MGAM: variants seen among roughly 807,000 people sequenced by gnomAD.
MGAM encodes maltase-glucoamylase.
In MGAM, 253 loss-of-function variants were observed where a neutral mutation model predicts 358.8. That is an observed-to-expected ratio of 0.71 (90% CI 0.64 to 0.78). The LOEUF is 0.78. Among genes scored for constraint, MGAM ranks in the 30% least tolerant of loss-of-function variants. The probability of loss-of-function intolerance (pLI) is 0.00; values close to 1 mark genes in which losing one functional copy is unlikely to be tolerated. For synonymous variants in MGAM, 1,105 were observed against 1,227.1 expected (o/e 0.90, Z 2.08); for missense variants, 3,080 against 3,432.6 (o/e 0.90, Z 2.57).
rs185053832 is a variant in MGAM, at chr7:142,063,511, C to A, written c.4270C>A (p.Pro1424Thr). 9.5e-3 allele frequency: 15,310 copies of A among 1,613,522 alleles called. 121 individuals carry two copies. The highest frequency in any genetic ancestry group is 0.011 in the Non-Finnish European group (12,787 of 1,179,684). ...TTGGCATTTCTAGGATATGAATGAA[C>A]CATCAAGCTTCGTGAATGGGGCAGT... is the stretch of plus-strand genomic sequence containing the variant. The part of the protein sequence containing the change: ...FDGMWIDMNE[P>T]SSFVNGAVSP... The change falls in exon 36 of 71, where the codon CCA becomes ACA. Residue 1424 changes from proline to threonine, a missense_variant. This residue lies in a region of MGAM where 1,816 missense variants were observed against 1,840.5 expected (regional missense o/e 0.99). Coordinates refer to ENST00000475668, the MANE Select transcript of MGAM (RefSeq NM_001365693.1).
Position 142,034,892 on chromosome 7 carries a change from C to A in MGAM, c.1959+51C>A. 2.6e-6 allele frequency: 4 copies of A among 1,557,648 alleles called. No homozygotes were observed. In the South Asian group the frequency reaches 3.5e-5, roughly 14 times the overall value. On this transcript the variant is annotated intron_variant, in intron 16 of 70. Coordinates refer to ENST00000475668, the MANE Select transcript of MGAM (RefSeq NM_001365693.1). ...ATGAACCTGAATTCCCAGGCAACCTCATTCTAGAAAGTTTTCAAACCACAA... is the reference window on the plus strand; with the variant it reads ...ATGAACCTGAATTCCCAGGCAACCTAATTCTAGAAAGTTTTCAAACCACAA...
In MGAM at chr7:142,080,782, C is replaced by G. The variant is rs1814186452; in HGVS notation, c.5848-9C>G. On this transcript the variant is annotated splice_polypyrimidine_tract_variant and intron_variant, in intron 49 of 70. Transcript: ENST00000475668. ...TATTCTTGCCTAAAATCGTTTTCCT[C>G]TGGCCTAGATTTATGATCCCAACAA... 6.5e-7 allele frequency: 1 copy of G among 1,547,076 alleles called. No homozygotes were observed. The highest frequency in any genetic ancestry group is 1.7e-4 in the Middle Eastern group (1 of 5,920).
chr7:142,050,600 TG>T lies in MGAM; in HGVS notation c.2638-91del, dbSNP rs1479632680. 5 of 1,254,380 alleles carry T rather than the reference TG, an allele frequency of 4.0e-6. No homozygotes were observed. The East Asian group carries it at 9.8e-5, about 25-fold the overall frequency. 77.7% of individuals were successfully genotyped at this position (1,254,380 alleles called of 1,614,324 possible). A position where few individuals can be genotyped will look rare whatever the true frequency, so the allele number is the denominator to read the frequency against. ...GAAAGCAGAGAGGCATTTATGGCAG[TG>T]GGGGGTATCCGGTCTGGAATGGAAT... On this transcript the variant is annotated intron_variant, in intron 23 of 70. Coordinates refer to ENST00000475668, the MANE Select transcript of MGAM (RefSeq NM_001365693.1).
At chr7:141,991,516 A>G (rs527764653), upstream of MGAM, among the ~76,000 whole-genome samples, 1 of 150,566 alleles carries the variant, frequency 6.6e-6, no homozygotes, top group Admixed American at 6.6e-5. Flanking sequence ...GGCTCACTGC[A>G]CCCTCCGCCT....
chr7:142,105,046 A>T (rs189171101), intron 70 of MGAM, among the ~76,000 whole-genome samples: 9 of 152,218 alleles, frequency 5.9e-5, no homozygotes, highest in Admixed American at 3.9e-4. Flanking sequence ...CCTGTTGCTG[A>T]CCAGCTCAGG....
intron 21 of MGAM, among the ~76,000 whole-genome samples, chr7:142,047,495 G>C (rs1810503183): frequency 6.6e-6 from 1 of 152,132 alleles, no homozygotes; most frequent in Non-Finnish European, 1.5e-5. Context: ...TGTATTCTAA[G>C]TAGTAGTTGC....
At chr7:142,086,793 C>A in intron 57 of MGAM, 76 bp downstream of exon 57, 1 of 723,380 alleles carries the variant, frequency 1.4e-6, no homozygotes, top group Non-Finnish European at 2.1e-6. Flanking sequence ...TGTGGACATG[C>A]CTGTACTGTG....
At chr7:142,051,091 T>C (rs534386003) in intron 24 of MGAM, among the ~76,000 whole-genome samples, 71 of 152,202 alleles carry the variant, frequency 4.7e-4, no homozygotes, top group African/African-American at 1.6e-3. Flanking sequence ...TCTTTCTAGC[T>C]GGTTTCACTT....
At chr7:141,986,708 A>G (rs1554446289) in intron 2 of MGAM, among the ~76,000 whole-genome samples, 2 of 152,196 alleles carry the variant, frequency 1.3e-5, no homozygotes, top group Non-Finnish European at 2.9e-5. Context: ...GCATACTATT[A>G]TATTATACTG....
intron 9 of MGAM, 46 bp downstream of exon 9, chr7:142,027,273 C>A: frequency 1.4e-6 from 2 of 1,438,294 alleles, no homozygotes; most frequent in Non-Finnish European, 1.9e-6. Flanking sequence ...TCCTAAACAG[C>A]AAATATTTTA....
intron 21 of MGAM, among the ~76,000 whole-genome samples, chr7:142,045,594 T>G (rs1266153028): frequency 9.2e-6 from 1 of 109,066 alleles, no homozygotes; most frequent in African/African-American, 3.7e-5. Flanking sequence ...ACATACAATA[T>G]ATGAATATAT....
chr7:142,042,983 ATT>A (rs1185198197), intron 21 of MGAM, among the ~76,000 whole-genome samples: 2 of 77,988 alleles, frequency 2.6e-5, no homozygotes, highest in African/African-American at 5.7e-5. Context: ...TAATATATAT[ATT>A]ATATATACAT....
At chr7:142,048,735 A>G (rs1810659910) in intron 22 of MGAM, among the ~76,000 whole-genome samples, 1 of 152,182 alleles carries the variant, frequency 6.6e-6, no homozygotes, top group Admixed American at 6.6e-5. Context: ...AGGAAAGAGA[A>G]GGAAAAACAA....
intron 13 of MGAM, 38 bp from the exon 14 acceptor site, chr7:142,032,786 GT>G: frequency 7.8e-7 from 1 of 1,277,448 alleles, no homozygotes; most frequent in South Asian, 1.3e-5. Context: ...AAGATAACAT[GT>G]TACTTTTTCT....
rs1563191246 is a variant in MGAM at position 142,067,963 on chromosome 7, TAAATATATATATATATATA to T, written c.5004+539_5004+557del. ...ATATATATATATATATATATATATA[TAAATATATATATATATATA>T]TATATTTTTTTTTTTTTTTTTTTGA... On this transcript the variant is annotated intron_variant, in intron 42 of 70. Transcript: ENST00000475668. Among the ~76,000 whole-genome samples, 6 of 34,422 alleles carry T rather than the reference TAAATATATATATATATATA, an allele frequency of 1.7e-4. 1 individual carries two copies. The highest frequency in any genetic ancestry group is 5.4e-4 in the African/African-American group (6 of 11,174). The allele number at this position is 34,422 out of a possible 152,430, so 22.6% of individuals were successfully genotyped here.
intron 37 of MGAM, 57 bp from the exon 38 acceptor site, chr7:142,065,278 T>C: frequency 6.3e-7 from 1 of 1,577,978 alleles, no homozygotes; most frequent in Non-Finnish European, 8.6e-7. Flanking sequence ...GCAGAAGCTC[T>C]ATGGCCTTTA....
At position 142,044,429 on chromosome 7, in the gene MGAM, A is replaced by G. The variant is rs1444972165; in HGVS notation, c.2499-3356A>G. Among the ~76,000 whole-genome samples, 143 of 138,990 alleles carry G rather than the reference A, an allele frequency of 1.0e-3. 31 individuals carry two copies. The highest frequency in any genetic ancestry group is 1.4e-3 in the Non-Finnish European group (94 of 65,240). 91.2% of individuals were successfully genotyped at this position (138,990 alleles called of 152,430 possible). A position where few individuals can be genotyped will look rare whatever the true frequency, so the allele number is the denominator to read the frequency against. Reference sequence around the variant, plus strand: ...TATATAATGAATATTATATACACATACGATATATATAATGAATATTATATA... The same window carrying G: ...TATATAATGAATATTATATACACATGCGATATATATAATGAATATTATATA... On this transcript the variant is annotated intron_variant, in intron 21 of 70. Coordinates refer to ENST00000475668, the MANE Select transcript of MGAM (RefSeq NM_001365693.1).
chr7:142,075,725 A>T (rs1813678801), intron 45 of MGAM, among the ~76,000 whole-genome samples: 1 of 146,246 alleles, frequency 6.8e-6, no homozygotes, highest in African/African-American at 2.4e-5. Flanking sequence ...CAAGTCAAAA[A>T]TCACAGCGAG....
At position 142,070,315 on chromosome 7, in the gene MGAM, A is replaced by G. The variant is rs975959584; in HGVS notation, c.5062-679A>G. Among the ~76,000 whole-genome samples, 5 of 146,466 alleles carry G rather than the reference A, an allele frequency of 3.4e-5. 1 individual carries two copies. Among genetic ancestry groups the G allele is most frequent in the Non-Finnish European group, 6.2e-5 (4 of 64,692 alleles). On this transcript the variant is annotated intron_variant, in intron 43 of 70. Transcript: ENST00000475668. ...TTAATCTTCCCAAGTTTGGGTAACTATTACTCATTCTAGAGCACAAGCTGG... is the reference window on the plus strand; with the variant it reads ...TTAATCTTCCCAAGTTTGGGTAACTGTTACTCATTCTAGAGCACAAGCTGG...
Sources: allele counts gnomAD v4.1 joint callset (sites outside exome capture counted in the v4.1 genomes callset), GRCh38; gene constraint gnomAD v4.1.1; regional missense constraint gnomAD v4.1.1; transcripts MANE v1.5; gene names NCBI Gene and HGNC (gene_info 2026-07-23, HGNC 2026-07-21).